NTM: variants seen among roughly 807,000 people sequenced by gnomAD.
The protein encoded by NTM is IgLON family member 2.
Under a neutral mutation model 42.1 loss-of-function variants are expected in NTM, and 13 were observed. The ratio of observed to expected loss-of-function variants is 0.31; its 90% CI spans 0.20 to 0.49. NTM has a LOEUF of 0.49. Ranked by LOEUF, NTM falls within the 20% of genes least tolerant of loss-of-function variation. NTM has a pLI of 0.99. For synonymous variants in NTM, 187 were observed against 179.2 expected, an observed-to-expected ratio of 1.04 and a Z score of -0.35; for missense variants, 373 against 452.8, an observed-to-expected ratio of 0.82 and a Z score of 1.60.
intron 1 of NTM, among the ~76,000 whole-genome samples, chr11:131,431,488 C>T (rs1948645008): frequency 6.6e-6 from 1 of 152,194 alleles, no homozygotes; most frequent in Non-Finnish European, 1.5e-5. Context: ...TCCTCTCACC[C>T]AGTGCCCACC....
At chr11:131,736,347 C>A (rs768337148) in intron 1 of NTM, among the ~76,000 whole-genome samples, 4 of 152,162 alleles carry the variant, frequency 2.6e-5, no homozygotes, top group Admixed American at 6.5e-5. Flanking sequence ...CTTCCAGTAA[C>A]CCTCCAGGCT....
At chr11:131,742,113 A>G (rs1053046936) in intron 1 of NTM, among the ~76,000 whole-genome samples, 1 of 152,202 alleles carries the variant, frequency 6.6e-6, no homozygotes, top group Non-Finnish European at 1.5e-5. Flanking sequence ...AGGAAAAATA[A>G]CTAATGGATA....
In NTM at chr11:131,576,982, A is replaced by C. The variant is rs558279621; in HGVS notation, c.82+206094A>C. 3.7e-4 allele frequency among the ~76,000 whole-genome samples: 57 copies of C among 152,346 alleles called. 1 individual carries two copies. Among genetic ancestry groups the C allele is most frequent in the African/African-American group, 1.3e-3 (53 of 41,588 alleles). On this transcript the variant is annotated intron_variant, in intron 1 of 8. Transcript: ENST00000683400. The stretch of plus-strand genomic sequence containing the variant: ...CCCATTGTAAATACTCAAAAATATT[A>C]CCTCTCAATACATGGATACTAAGAT...
chr11:131,666,888 A>T (rs550778856), intron 1 of NTM, among the ~76,000 whole-genome samples: 3 of 152,134 alleles, frequency 2.0e-5, no homozygotes, highest in African/African-American at 7.2e-5. Context: ...TGAGCTATTG[A>T]TCTGTGGCTG....
At chr11:132,071,524 T>A (rs1047463899) in intron 2 of NTM, among the ~76,000 whole-genome samples, 1 of 152,210 alleles carries the variant, frequency 6.6e-6, no homozygotes, top group Admixed American at 6.5e-5. Flanking sequence ...AGTGAGGAGA[T>A]CATTTGATTC....
intron 1 of NTM, among the ~76,000 whole-genome samples, chr11:131,780,414 A>G (rs917312214): frequency 3.9e-5 from 6 of 152,036 alleles, no homozygotes; most frequent in African/African-American, 1.4e-4. Flanking sequence ...GTCATTCTCA[A>G]ATGTAGGAGT....
At chr11:131,533,504 T>C (rs946124600) in intron 1 of NTM, among the ~76,000 whole-genome samples, 1 of 152,192 alleles carries the variant, frequency 6.6e-6, no homozygotes, top group Admixed American at 6.5e-5. Context: ...TGCCCAGCCC[T>C]GACTCAATCA....
chr11:131,596,998 A>G (rs2137349087), intron 1 of NTM, among the ~76,000 whole-genome samples: 1 of 152,144 alleles, frequency 6.6e-6, no homozygotes, highest in South Asian at 2.1e-4. Context: ...GGCTATCAGG[A>G]TCTCTTTTCA....
In NTM at chr11:132,255,887, C is replaced by T. The variant is rs967931327; in HGVS notation, c.526+43740C>T. ...ACCTCTACACCCAGGAAGCTGGTCTCGGTTGCACATCTTCACCTCGCTCCT... is the reference window on the plus strand; with the variant it reads ...ACCTCTACACCCAGGAAGCTGGTCTTGGTTGCACATCTTCACCTCGCTCCT... On this transcript the variant is annotated intron_variant, in intron 4 of 8. Coordinates refer to ENST00000683400, the MANE Select transcript of NTM (RefSeq NM_001352005.2). Among the ~76,000 whole-genome samples the T allele has an allele frequency of 5.3e-5, 8 of 152,248 alleles. No individual in the cohort carries two copies. In the East Asian group the frequency reaches 9.7e-4, roughly 18 times the overall value.
intron 1 of NTM, among the ~76,000 whole-genome samples, chr11:131,516,943 G>A (rs1231172825): frequency 6.6e-6 from 1 of 152,184 alleles, no homozygotes; most frequent in Non-Finnish European, 1.5e-5. Flanking sequence ...GCTGGAGCAG[G>A]AAAAGAGAAT....
intron 1 of NTM, among the ~76,000 whole-genome samples, chr11:131,683,712 G>A (rs1027266855): frequency 6.6e-6 from 1 of 152,202 alleles, no homozygotes; most frequent in Admixed American, 6.5e-5. Flanking sequence ...TGATCCCCAC[G>A]TCAGCATTCA....
chr11:131,789,621 AG>A (rs1223459838), intron 1 of NTM, among the ~76,000 whole-genome samples: 2 of 87,750 alleles, frequency 2.3e-5, no homozygotes, highest in Non-Finnish European at 2.3e-5. Context: ...AAGAAGAAGA[AG>A]AAGAAGAAGA....
chr11:131,949,123 C>T (rs1002605367), intron 2 of NTM, among the ~76,000 whole-genome samples: 13 of 152,144 alleles, frequency 8.5e-5, no homozygotes, highest in African/African-American at 2.9e-4. Flanking sequence ...GTGTGATGTC[C>T]TCCAGGTTCA....
chr11:131,870,739 A>G (rs150212899), intron 1 of NTM, among the ~76,000 whole-genome samples: 1,658 of 152,308 alleles, frequency 0.011, 29 homozygotes, highest in African/African-American at 0.037. Context: ...AAACCCTTTT[A>G]GCACAGGACA....
intron 3 of NTM, among the ~76,000 whole-genome samples, chr11:132,206,541 G>T (rs2082015027): frequency 6.6e-6 from 1 of 152,182 alleles, no homozygotes; most frequent in African/African-American, 2.4e-5. Flanking sequence ...ACAGTTATTA[G>T]CTCCATTTTA....
intron 1 of NTM, among the ~76,000 whole-genome samples, chr11:131,468,558 A>G (rs954207531): frequency 2.6e-5 from 4 of 152,006 alleles, no homozygotes; most frequent in Non-Finnish European, 4.4e-5. Flanking sequence ...TTTTTTTTCT[A>G]TAGATTTTAT....
intron 1 of NTM, among the ~76,000 whole-genome samples, chr11:131,752,229 G>A (rs924387935): frequency 1.3e-5 from 2 of 152,094 alleles, no homozygotes; most frequent in East Asian, 1.9e-4. Context: ...GTGGGCGAAG[G>A]ATATGAACAG....
intron 2 of NTM, among the ~76,000 whole-genome samples, chr11:132,068,064 G>A (rs1230022663): frequency 1.3e-5 from 2 of 152,142 alleles, no homozygotes; most frequent in African/African-American, 4.8e-5. Context: ...GACCTATGCT[G>A]ATATCCATTC....
At chr11:132,103,484 A>T (rs1489574345) in intron 2 of NTM, among the ~76,000 whole-genome samples, 1 of 152,184 alleles carries the variant, frequency 6.6e-6, no homozygotes, top group African/African-American at 2.4e-5. Context: ...GTTTGTCTGG[A>T]TAATTTATTT....
Sources: allele counts gnomAD v4.1 joint callset (sites outside exome capture counted in the v4.1 genomes callset), GRCh38; gene constraint gnomAD v4.1.1; transcripts MANE v1.5; gene names NCBI Gene and HGNC (gene_info 2026-07-23, HGNC 2026-07-21).